ERBB2: variants seen among roughly 807,000 people sequenced by gnomAD.
ERBB2 encodes erb-b2 receptor tyrosine kinase 2, also known as receptor tyrosine-protein kinase erbB-2.
A neutral mutation model predicts 149.0 loss-of-function variants in ERBB2; 61 were observed. That is an observed-to-expected ratio of 0.41 (90% CI 0.33 to 0.51). The LOEUF is 0.51. ERBB2 is among the 20% of genes least tolerant of loss of function. ERBB2 has a pLI of 0.25. For synonymous variants in ERBB2, 633 were observed against 678.8 expected (o/e 0.93, Z 1.05); for missense variants, 1,205 against 1,655.1 (o/e 0.73, Z 4.72).
At chr17:39,688,692 C>G (rs1296410136) in intron 1 of ERBB2, 2 of 152,362 alleles carry the variant, frequency 1.3e-5, no homozygotes, top group African/African-American at 4.8e-5. Flanking sequence ...CTTTTTTCTT[C>G]TAGTCGCAAT....
intron 5 of ERBB2, 86 bp from the exon 6 acceptor site, chr17:39,710,000 C>T: frequency 6.7e-6 from 10 of 1,494,486 alleles, no homozygotes; most frequent in Non-Finnish European, 9.3e-6. Context: ...CTCCCCTGGG[C>T]CAGGTAGTCT....
intron 15 of ERBB2, 45 bp from the exon 16 acceptor site, chr17:39,719,742 A>C (rs770552377): frequency 6.2e-6 from 10 of 1,602,918 alleles, no homozygotes; most frequent in Non-Finnish European, 8.5e-6. Context: ...GTGGTTCCCA[A>C]GAGGGTGGTT....
intron 1 of ERBB2, among the ~76,000 whole-genome samples, chr17:39,704,481 G>A (rs1430177320): frequency 1.3e-5 from 2 of 152,194 alleles, no homozygotes; most frequent in Non-Finnish European, 2.9e-5. Context: ...GCTGAGGCAG[G>A]AGAATTGCTT....
upstream of ERBB2, among the ~76,000 whole-genome samples, chr17:39,691,900 G>GATATAGAT (rs1555611725): frequency 2.7e-5 from 3 of 110,782 alleles, no homozygotes; most frequent in Non-Finnish European, 5.5e-5. Flanking sequence ...TATAGATATA[G>GATATAGAT]ATATATATAC....
intron 1 of ERBB2, among the ~76,000 whole-genome samples, chr17:39,701,232 G>C (rs140826164): frequency 1.3e-5 from 2 of 152,088 alleles, no homozygotes; most frequent in Non-Finnish European, 2.9e-5. Context: ...GCCTGGGCCA[G>C]GTATACTCTG....
rs748400175 is a variant in ERBB2, at chr17:39,716,450, A to AGAG, written c.1646+19_1646+21dup. Reference sequence around the variant, plus strand: ...ACTGCAGGGGTATGAGGGGCGGAGGAGAGGGTGGCTGGAGGGGTGCATGGG... The same window carrying AGAG: ...ACTGCAGGGGTATGAGGGGCGGAGGAGAGGAGGGTGGCTGGAGGGGTGCATGGG... On this transcript the variant is annotated intron_variant, in intron 13 of 26. Coordinates refer to ENST00000269571, the MANE Select transcript of ERBB2 (RefSeq NM_004448.4). The AGAG allele has an allele frequency of 1.2e-6, 2 of 1,612,754 alleles. No homozygotes were observed. Among genetic ancestry groups the AGAG allele is most frequent in the Non-Finnish European group, 1.7e-6 (2 of 1,179,004 alleles).
Position 39,710,110 on chromosome 17 carries a change from G to C in ERBB2, c.668G>C (p.Gly223Ala), listed in dbSNP as rs1390819673. The C allele has an allele frequency of 6.2e-7, 1 of 1,609,524 alleles. No homozygotes were observed. Among genetic ancestry groups the C allele is most frequent in the South Asian group, 1.1e-5 (1 of 91,040 alleles). Residue 223 changes from glycine (G) to alanine (A), a missense_variant, in exon 6 of 27, where the codon GGC becomes GCC. Gly to Ala is a moderately conservative substitution (Grantham distance 60). This residue lies in a region of ERBB2 where 569 missense variants were observed against 803.5 expected (regional missense o/e 0.71). Transcript: ENST00000269571. ...GTGACGCGCACTGTCTGTGCCGGTG[G>C]CTGTGCCCGCTGCAAGGGGCCACTG... ...QSLTRTVCAG[G>A]CARCKGPLPT... is the part of the protein sequence containing the mutation.
At chr17:39,724,272 A>ATTTTTTTTTGTTTTTTTTTTT (rs2059617610) in intron 19 of ERBB2, among the ~76,000 whole-genome samples, 1 of 77,016 alleles carries the variant, frequency 1.3e-5, no homozygotes. Flanking sequence ...GCGCCCGCTA[A>ATTTTTTTTTGTTTTTTTTTTT]TTTTTTTTTT....
At chr17:39,702,712 CT>C (rs1395219760) in intron 1 of ERBB2, among the ~76,000 whole-genome samples, 1 of 152,198 alleles carries the variant, frequency 6.6e-6, no homozygotes, top group African/African-American at 2.4e-5. Context: ...CCTGTCTTGT[CT>C]TAACTTTTAA....
rs2145681084 is a variant in ERBB2, at chr17:39,716,431, G to A, written c.1644G>A (p.Gln548=). 6.2e-7 allele frequency: 1 copy of A among 1,611,666 alleles called. No homozygotes were observed. The highest frequency in any genetic ancestry group is 8.5e-7 in the Non-Finnish European group (1 of 1,178,074). ...QECVEECRVL[Q]GLPREYVNAR... ...GCGTGGAGGAATGCCGAGTACTGCA[G>A]GGGTATGAGGGGCGGAGGAGAGGGT... The change falls in exon 13 of 27, where the codon CAG becomes CAA. Residue 548 remains glutamine (Q), a splice_region_variant and synonymous_variant. Transcript: ENST00000269571.
At chr17:39,694,262 T>TACAC (rs1164374202), upstream of ERBB2, among the ~76,000 whole-genome samples, 41 of 28,890 alleles carry the variant, frequency 1.4e-3, 1 homozygote, top group African/African-American at 3.9e-3. Context: ...TATATATATA[T>TACAC]ATATATGTGT....
upstream of ERBB2, among the ~76,000 whole-genome samples, chr17:39,695,430 A>G (rs1053535372): frequency 1.1e-4 from 16 of 151,990 alleles, no homozygotes; most frequent in African/African-American, 3.4e-4. Flanking sequence ...GGAAGGACCA[A>G]TTTTCCTATC....
upstream of ERBB2, among the ~76,000 whole-genome samples, chr17:39,698,545 C>T (rs181938917): frequency 6.6e-6 from 1 of 152,240 alleles, no homozygotes; most frequent in East Asian, 1.9e-4. Flanking sequence ...AGGTGTGAGC[C>T]ACCGCGACTG....
intron 1 of ERBB2, among the ~76,000 whole-genome samples, chr17:39,705,810 T>C (rs1244000933): frequency 7.2e-5 from 11 of 152,164 alleles, no homozygotes; most frequent in Non-Finnish European, 1.5e-4. Flanking sequence ...AAGCCAGCCC[T>C]TGTGCTGTCC....
intron 1 of ERBB2, among the ~76,000 whole-genome samples, chr17:39,704,759 T>C (rs1364174439): frequency 6.6e-6 from 1 of 152,100 alleles, no homozygotes; most frequent in South Asian, 2.1e-4. Context: ...GCAAACACTT[T>C]AAGATTCTTA....
In ERBB2 at chr17:39,716,365, C is replaced by G. The variant is rs754811013; in HGVS notation, c.1578C>G (p.Thr526=). The G allele has an allele frequency of 6.2e-7, 1 of 1,609,616 alleles. No individual in the cohort carries two copies. The highest frequency in any genetic ancestry group is 1.1e-5 in the South Asian group (1 of 90,568). Residue 526 remains threonine (T), a synonymous_variant, in exon 13 of 27, where the codon ACC becomes ACG. Coordinates refer to ENST00000269571, the MANE Select transcript of ERBB2 (RefSeq NM_004448.4). ...ARGHCWGPGP[T]QCVNCSQFLR... is the part of the protein sequence containing the mutation. ...GGCACTGCTGGGGTCCAGGGCCCAC[C>G]CAGTGTGTCAACTGCAGCCAGTTCC...
At chr17:39,693,209 C>T (rs2057752171), upstream of ERBB2, 1 of 152,224 alleles carries the variant, frequency 6.6e-6, no homozygotes. Flanking sequence ...CTGCCACCCC[C>T]AAAATAGCAA....
chr17:39,716,042 C>A, intron 12 of ERBB2, 103 bp downstream of exon 12: 1 of 1,213,750 alleles, frequency 8.2e-7, no homozygotes, highest in South Asian at 1.4e-5. Context: ...GACTGCCCGT[C>A]TCTGTGCACC....
In ERBB2 at chr17:39,715,898, A is replaced by G; in HGVS notation, c.1472A>G (p.Gln491Arg). The change falls in exon 12 of 27, where the codon CAA becomes CGA. Residue 491 changes from glutamine (Q) to arginine (R), a missense_variant. Physicochemically the swap from Gln to Arg is conservative, Grantham distance 43 (BLOSUM62 1). Around this residue, in one of 6 missense-constraint regions of ERBB2, gnomAD observed 569 missense variants for 803.5 expected, o/e 0.71. Transcript: ENST00000269571. ...PWDQLFRNPH[Q>R]ALLHTANRPE... ...GACCAGCTCTTTCGGAACCCGCACC[A>G]AGCTCTGCTCCACACTGCCAACCGG... 6.2e-7 allele frequency: 1 copy of G among 1,612,146 alleles called. No individual in the cohort carries two copies. The highest frequency in any genetic ancestry group is 2.2e-5 in the East Asian group (1 of 44,880).
Sources: gnomAD v4.1 joint callset for allele counts (sites outside exome capture counted in the v4.1 genomes callset) on GRCh38, gnomAD v4.1.1 for gene constraint, gnomAD v4.1.1 regional missense constraint, MANE v1.5 for transcripts, NCBI Gene and HGNC (gene_info 2026-07-23, HGNC 2026-07-21) for gene names.